TSEN2: variants seen among roughly 807,000 people sequenced by gnomAD.
TSEN2 encodes tRNA-splicing endonuclease subunit Sen2.
In TSEN2, 54 loss-of-function variants were observed where a neutral mutation model predicts 59.2. The ratio of observed to expected loss-of-function variants is 0.91; its 90% CI spans 0.73 to 1.14. The LOEUF (loss-of-function observed/expected upper bound fraction) is 1.14, where lower values mean the gene tolerates loss of function less well. Ranked by LOEUF, TSEN2 falls within the 50% of genes most tolerant of loss-of-function variation. The pLI is 0.00. For missense variants in TSEN2, 636 were observed against 576.2 expected, an observed-to-expected ratio of 1.10 and a Z score of -1.06; for synonymous variants, 195 against 198.2, an observed-to-expected ratio of 0.98 and a Z score of 0.14.
At chr3:12,489,215 G>A (rs755943214) in intron 1 of TSEN2, among the ~76,000 whole-genome samples, 1 of 152,132 alleles carries the variant, frequency 6.6e-6, no homozygotes, top group Non-Finnish European at 1.5e-5. Context: ...GTATATAATC[G>A]ACCCTTAAAT....
chr3:12,538,058 G>A (rs1353821182), downstream of TSEN2, among the ~76,000 whole-genome samples: 1 of 152,118 alleles, frequency 6.6e-6, no homozygotes, highest in Non-Finnish European at 1.5e-5. Context: ...AATTCTGGGT[G>A]GGCAGTTTTG....
At chr3:12,516,195 C>T (rs113937509) in intron 6 of TSEN2, among the ~76,000 whole-genome samples, 2,838 of 152,116 alleles carry the variant, frequency 0.019, 46 homozygotes, top group South Asian at 0.059. Flanking sequence ...GAGGCCGAGG[C>T]AGGTGGATCA....
chr3:12,502,688 T>C (rs1214380357), intron 4 of TSEN2, among the ~76,000 whole-genome samples: 1 of 144,136 alleles, frequency 6.9e-6, no homozygotes. Context: ...TTTTTTTTTT[T>C]GTTTTTTTTT....
Position 12,494,969 on chromosome 3 carries a change from T to C in TSEN2, c.272-1549T>C, listed in dbSNP as rs375896721. Among the ~76,000 whole-genome samples the C allele has an allele frequency of 6.7e-4, 100 of 149,938 alleles. 2 individuals are homozygous for C. The East Asian group carries it at 0.011, about 17-fold the overall frequency. On this transcript the variant is annotated intron_variant, in intron 3 of 11. Coordinates refer to ENST00000284995, the MANE Select transcript of TSEN2 (RefSeq NM_025265.4). ...GGCGAAATCCTGTCTCTACCAAAAATACAAAAATGAGCTGGGCATGGTGGC... is the reference window on the plus strand; with the variant it reads ...GGCGAAATCCTGTCTCTACCAAAAACACAAAAATGAGCTGGGCATGGTGGC...
chr3:12,509,443 G>T (rs537737256), intron 6 of TSEN2, among the ~76,000 whole-genome samples: 252 of 152,220 alleles, frequency 1.7e-3, no homozygotes, highest in Middle Eastern at 3.4e-3. Context: ...CAAGTGATCT[G>T]CCCGTCTTGG....
At position 12,503,575 on chromosome 3, in the gene TSEN2, A is replaced by G. The variant is rs1219843060; in HGVS notation, c.622A>G (p.Lys208Glu). 3 of 1,604,710 alleles carry G rather than the reference A, an allele frequency of 1.9e-6. No homozygotes were observed. The highest frequency in any genetic ancestry group is 2.6e-6 in the Non-Finnish European group (3 of 1,173,762). The part of the protein sequence containing the change: ...GCHPTTESFE[K>E]SVREDASPLP... ...CCACCCAACAACAGAGAGCTTTGAG[A>G]AAAGCGTGCGAGAGGATGCCTCACC... The change falls in exon 5 of 12, where the codon AAA (lysine) becomes GAA (glutamate). Residue 208 changes from lysine (K) to glutamate (E), a missense_variant. Transcript: ENST00000284995.
intron 5 of TSEN2, 22 bp from the exon 6 acceptor site, chr3:12,505,132 T>C (rs1213973281): frequency 2.1e-6 from 3 of 1,409,136 alleles, no homozygotes; most frequent in Non-Finnish European, 3.0e-6. Flanking sequence ...GTTCTGTATA[T>C]ATTGTATTTC....
At chr3:12,538,908 G>A in intron 10 of TSEN2, 2 of 290,698 alleles carry the variant, frequency 6.9e-6, no homozygotes, top group South Asian at 5.4e-5. Context: ...CAGAGGAAGT[G>A]CTTTGTAGCA....
chr3:12,496,588 T>C (rs1471033355), intron 4 of TSEN2, 34 bp downstream of exon 4: 1 of 1,612,670 alleles, frequency 6.2e-7, no homozygotes, highest in African/African-American at 1.3e-5. Flanking sequence ...TCTGTCAAAA[T>C]GATGGTTTAA....
chr3:12,500,563 A>C (rs73142705), intron 4 of TSEN2, among the ~76,000 whole-genome samples: 235 of 152,344 alleles, frequency 1.5e-3, no homozygotes, highest in African/African-American at 5.2e-3. Context: ...TCTCAACAGC[A>C]AATTAAGACA....
Position 12,505,159 on chromosome 3 carries a change from G to A in TSEN2, c.837G>A (p.Val279=). 2 of 1,600,372 alleles carry A rather than the reference G, an allele frequency of 1.2e-6. No homozygotes were observed. The highest frequency in any genetic ancestry group is 2.7e-5 in the African/African-American group (2 of 74,736). The change falls in exon 6 of 12, where the codon GTG becomes GTA. Residue 279 remains valine (V), a synonymous_variant. Transcript: ENST00000284995. ...EREAAPNEEL[V]QRNRLICRRN... ...TTGTATTTCTTTCTCTTTAGTTGGTGCAAAGAAACAGGTTAATATGCAGAA... is the reference window on the plus strand; with the variant it reads ...TTGTATTTCTTTCTCTTTAGTTGGTACAAAGAAACAGGTTAATATGCAGAA...
intron 6 of TSEN2, among the ~76,000 whole-genome samples, chr3:12,507,795 G>A (rs2125077339): frequency 6.6e-6 from 1 of 152,300 alleles, no homozygotes; most frequent in African/African-American, 2.4e-5. Flanking sequence ...TCTATTAGGT[G>A]CGTAATACTT....
In TSEN2 at chr3:12,488,939, G is replaced by GGT. The variant is rs1575212750; in HGVS notation, c.-17-842_-17-841dup. 3.9e-5 allele frequency among the ~76,000 whole-genome samples: 6 copies of GGT among 152,314 alleles called. No homozygotes were observed. In the East Asian group the frequency reaches 9.6e-4, roughly 24 times the overall value. ...TGAATCTGTTTCCTATTTGTAAAATGGTGTTGCTACTGCTCACCCTGTAAT... is the reference window on the plus strand; with the variant it reads ...TGAATCTGTTTCCTATTTGTAAAATGGTGTGTTGCTACTGCTCACCCTGTAAT... On this transcript the variant is annotated intron_variant, in intron 1 of 11. Transcript: ENST00000284995.
At chr3:12,524,628 C>CT (rs796979149) in intron 8 of TSEN2, among the ~76,000 whole-genome samples, 13 of 152,180 alleles carry the variant, frequency 8.5e-5, no homozygotes, top group African/African-American at 3.1e-4. Flanking sequence ...TGCAAAGACT[C>CT]TTTTTCCAAG....
intron 6 of TSEN2, chr3:12,514,961 A>G (rs2055902728): frequency 6.6e-6 from 1 of 152,222 alleles, no homozygotes; most frequent in Non-Finnish European, 1.5e-5. Flanking sequence ...AAAGTCAGCT[A>G]GATTCTTGCA....
downstream of TSEN2, among the ~76,000 whole-genome samples, chr3:12,537,500 G>A (rs968453589): frequency 3.9e-5 from 6 of 152,150 alleles, no homozygotes; most frequent in East Asian, 1.2e-3. Flanking sequence ...GACTTTTATT[G>A]TTTACCTCCT....
chr3:12,520,118 C>T (rs541901109), intron 8 of TSEN2, among the ~76,000 whole-genome samples: 2 of 152,186 alleles, frequency 1.3e-5, no homozygotes, highest in South Asian at 2.1e-4. Context: ...CCTGCCTCAG[C>T]CTCCCGAGTA....
intron 6 of TSEN2, among the ~76,000 whole-genome samples, chr3:12,508,263 C>G (rs1174679717): frequency 6.6e-6 from 1 of 152,146 alleles, no homozygotes; most frequent in Non-Finnish European, 1.5e-5. Flanking sequence ...TCTTGAACAC[C>G]CCCTGATGAA....
intron 6 of TSEN2, among the ~76,000 whole-genome samples, chr3:12,506,200 C>T (rs2054817824): frequency 1.3e-5 from 2 of 149,120 alleles, no homozygotes; most frequent in South Asian, 2.1e-4. Flanking sequence ...TTTTCATATA[C>T]TGTGCTACAT....
Sources: allele counts gnomAD v4.1 joint callset (sites outside exome capture counted in the v4.1 genomes callset), GRCh38; gene constraint gnomAD v4.1.1; transcripts MANE v1.5; gene names NCBI Gene and HGNC (gene_info 2026-07-23, HGNC 2026-07-21).